Variants in AGBL4 observed in about 807,000 individuals in gnomAD.
AGBL4 encodes the protein cytosolic carboxypeptidase 6.
A neutral mutation model predicts 66.4 loss-of-function variants in AGBL4; 58 were observed. The observed-to-expected ratio is 0.87, with a 90% CI of 0.71 to 1.09. The LOEUF (loss-of-function observed/expected upper bound fraction) is 1.09, where lower values mean the gene tolerates loss of function less well. Ranked by LOEUF, AGBL4 falls within the 50% of genes least tolerant of loss-of-function variation. AGBL4 has a pLI of 0.00. For synonymous variants in AGBL4, 234 were observed against 222.9 expected, an observed-to-expected ratio of 1.05 and a Z score of -0.44; for missense variants, 579 against 631.0, an observed-to-expected ratio of 0.92 and a Z score of 0.88.
intron 2 of AGBL4, among the ~76,000 whole-genome samples, chr1:49,818,925 G>C (rs1645297522): frequency 6.6e-6 from 1 of 152,174 alleles, no homozygotes; most frequent in South Asian, 2.1e-4. Flanking sequence ...AAGGAAATGA[G>C]TGACACAGTG....
intron 2 of AGBL4, among the ~76,000 whole-genome samples, chr1:49,764,317 C>A (rs1652574054): frequency 6.6e-6 from 1 of 152,122 alleles, no homozygotes; most frequent in Non-Finnish European, 1.5e-5. Flanking sequence ...CTAGCCCTCC[C>A]GAATGAAAGG....
intron 6 of AGBL4, among the ~76,000 whole-genome samples, chr1:48,814,919 T>C (rs1272329523): frequency 1.3e-5 from 2 of 152,156 alleles, no homozygotes; most frequent in African/African-American, 4.8e-5. Context: ...AAATGCCCAG[T>C]AGTGGGATTG....
intron 3 of AGBL4, among the ~76,000 whole-genome samples, chr1:49,391,615 A>G (rs899861240): frequency 6.8e-5 from 10 of 146,206 alleles, no homozygotes; most frequent in East Asian, 4.2e-4. Context: ...AGGCTGGAGT[A>G]CAGTGGCGCG....
At chr1:49,748,384 G>A (rs985294236) in intron 2 of AGBL4, among the ~76,000 whole-genome samples, 2 of 152,072 alleles carry the variant, frequency 1.3e-5, no homozygotes, top group Admixed American at 1.3e-4. Flanking sequence ...ATGTATATGT[G>A]CCACATTTTC....
At chr1:49,697,114 A>G (rs1647000357) in intron 3 of AGBL4, among the ~76,000 whole-genome samples, 199 bp downstream of exon 3, 1 of 152,154 alleles carries the variant, frequency 6.6e-6, no homozygotes, top group Non-Finnish European at 1.5e-5. Context: ...AAATATTTGT[A>G]TTATTTAATA....
chr1:49,878,782 T>C (rs1052540747), intron 1 of AGBL4, among the ~76,000 whole-genome samples: 3 of 144,738 alleles, frequency 2.1e-5, no homozygotes, highest in African/African-American at 5.3e-5. Flanking sequence ...CCATTATTAA[T>C]GTGTGGGAGT....
intron 3 of AGBL4, among the ~76,000 whole-genome samples, chr1:49,640,787 G>A (rs1645765924): frequency 6.6e-6 from 1 of 152,092 alleles, no homozygotes; most frequent in Non-Finnish European, 1.5e-5. Context: ...TTTTTTGAAA[G>A]GAAGATGTGT....
At chr1:48,632,379 A>T (rs1645607434) in intron 9 of AGBL4, among the ~76,000 whole-genome samples, 1 of 152,230 alleles carries the variant, frequency 6.6e-6, no homozygotes, top group African/African-American at 2.4e-5. Flanking sequence ...AGCATGAATG[A>T]GCGCCCGGTT....
At chr1:49,398,620 T>C (rs183999949) in intron 3 of AGBL4, among the ~76,000 whole-genome samples, 17 of 152,268 alleles carry the variant, frequency 1.1e-4, no homozygotes, top group Admixed American at 9.8e-4. Flanking sequence ...GACCAACACA[T>C]TCCCTTTATC....
intron 9 of AGBL4, among the ~76,000 whole-genome samples, chr1:48,607,715 T>C (rs1174659026): frequency 6.6e-6 from 1 of 152,080 alleles, no homozygotes. Context: ...CATATATCCA[T>C]ATACAACTAT....
At chr1:48,819,222 CA>C (rs1461069498) in intron 6 of AGBL4, among the ~76,000 whole-genome samples, 2 of 152,028 alleles carry the variant, frequency 1.3e-5, no homozygotes, top group Non-Finnish European at 2.9e-5. Flanking sequence ...AAAAATAAAA[CA>C]GGACAAAAAG....
intron 2 of AGBL4, among the ~76,000 whole-genome samples, chr1:49,712,970 T>C (rs1647788198): frequency 6.6e-6 from 1 of 152,042 alleles, no homozygotes; most frequent in Non-Finnish European, 1.5e-5. Context: ...CATTAACTAT[T>C]AGTAGTAGCA....
chr1:48,678,149 G>A (rs1159280407), intron 6 of AGBL4, among the ~76,000 whole-genome samples: 4 of 152,142 alleles, frequency 2.6e-5, no homozygotes, highest in Admixed American at 6.5e-5. Flanking sequence ...GGATGGTCAG[G>A]CCTTCTCAGC....
At chr1:48,866,909 A>T (rs1365122315) in intron 6 of AGBL4, among the ~76,000 whole-genome samples, 1 of 152,146 alleles carries the variant, frequency 6.6e-6, no homozygotes, top group Non-Finnish European at 1.5e-5. Flanking sequence ...CGTGGGTCCA[A>T]TGAGTGATTT....
intron 6 of AGBL4, among the ~76,000 whole-genome samples, chr1:48,724,116 T>A (rs867880233): frequency 2.0e-5 from 3 of 152,146 alleles, no homozygotes; most frequent in African/African-American, 7.2e-5. Context: ...CAGTAAGGAA[T>A]GAACAGGTGT....
At chr1:49,282,289 C>T (rs1644291409) in intron 3 of AGBL4, among the ~76,000 whole-genome samples, 1 of 152,104 alleles carries the variant, frequency 6.6e-6, no homozygotes, top group South Asian at 2.1e-4. Context: ...CTCTAAAGTC[C>T]ATGCTTTTTT....
At chr1:49,260,347 C>G (rs1249107664) in intron 3 of AGBL4, among the ~76,000 whole-genome samples, 1 of 150,388 alleles carries the variant, frequency 6.6e-6, no homozygotes, top group African/African-American at 2.4e-5. Flanking sequence ...AAAAACCCTT[C>G]AAAAAATTAA....
At chr1:49,915,675 C>A (rs1017235562) in intron 1 of AGBL4, among the ~76,000 whole-genome samples, 2 of 152,184 alleles carry the variant, frequency 1.3e-5, no homozygotes, top group African/African-American at 4.8e-5. Flanking sequence ...CATAGCCGAA[C>A]AAAAGGCAGC....
rs1314435850 is a variant in AGBL4, at chr1:48,535,273, C to T, written c.1365-357G>A. On this transcript the variant is annotated intron_variant, in intron 12 of 13. Transcript: ENST00000371839. The stretch of plus-strand genomic sequence containing the variant: ...GGCAAAACATCCCATACCTTTAGGC[C>T]TCTGCAGAGGCTGTTTCCTTCCCTA... 4.6e-5 allele frequency among the ~76,000 whole-genome samples: 7 copies of T among 152,082 alleles called. No homozygotes were observed. The South Asian group carries it at 1.4e-3, about 32-fold the overall frequency.
Sources: allele counts gnomAD v4.1 joint callset (sites outside exome capture counted in the v4.1 genomes callset), GRCh38; gene constraint gnomAD v4.1.1; transcripts MANE v1.5; gene names NCBI Gene and HGNC (gene_info 2026-07-23, HGNC 2026-07-21).